Variants in NCR3 observed in about 807,000 individuals in gnomAD.
NCR3 encodes NK-p30.
In NCR3, 13 loss-of-function variants were observed where a neutral mutation model predicts 16.1. The observed-to-expected ratio is 0.81, with a 90% confidence interval of 0.53 to 1.28. The LOEUF (loss-of-function observed/expected upper bound fraction) is 1.28, where lower values mean the gene tolerates loss of function less well. NCR3 is among the 50% of genes most tolerant of loss of function. NCR3 has a pLI of 0.00. For missense variants in NCR3, 202 were observed against 256.8 expected (o/e 0.79, Z 1.46); for synonymous variants, 98 against 106.6 (o/e 0.92, Z 0.50).
Position 31,592,733 on chromosome 6 carries a change from T to A in NCR3, c.-12A>T, listed in dbSNP as rs752690462. On this transcript the variant is annotated 5_prime_UTR_variant, in exon 1 of 4. Coordinates refer to ENST00000340027, the MANE Select transcript of NCR3 (RefSeq NM_147130.3). The stretch of plus-strand genomic sequence containing the variant: ...AGCATCCAGGCCATGTCGGAAGATG[T>A]CCCAGTTGGCGAAGGGGATCTGAGC... 3 of 1,612,750 alleles carry A rather than the reference T, an allele frequency of 1.9e-6. No homozygotes were observed. In the East Asian group the frequency reaches 6.7e-5, roughly 36 times the overall value.
Position 31,589,311 on chromosome 6 carries a change from A to C in NCR3, c.497-135T>G. 3.9e-6 allele frequency: 6 copies of C among 1,552,192 alleles called. No homozygotes were observed. Among genetic ancestry groups the C allele is most frequent in the Non-Finnish European group, 5.2e-6 (6 of 1,147,134 alleles). On this transcript the variant is annotated intron_variant, in intron 3 of 3. Coordinates refer to ENST00000340027, the MANE Select transcript of NCR3 (RefSeq NM_147130.3). This position sits in a 1 kb window ranked among gnomAD's most constrained non-coding sequence, Gnocchi z 4.8. ...GATTTATTGGGGTCTTTTGAAGAGG[A>C]CTAGGGACATCTGGGCTCTGGAATC...
intron 1 of NCR3, among the ~76,000 whole-genome samples, chr6:31,592,390 C>A (rs936539242): frequency 1.4e-5 from 2 of 144,496 alleles, no homozygotes; most frequent in East Asian, 2.0e-4. Flanking sequence ...TCCAGCCAGG[C>A]GACAGAGCGA....
intron 1 of NCR3, 32 bp downstream of exon 1, chr6:31,592,647 C>T (rs771903667): frequency 1.2e-6 from 2 of 1,612,562 alleles, no homozygotes; most frequent in South Asian, 2.2e-5. Context: ...CCCACCCACA[C>T]TCCTTGGGGT....
In NCR3 at chr6:31,589,773, G is replaced by A. The variant is rs768676868; in HGVS notation, c.388+9C>T. The A allele has an allele frequency of 5.6e-6, 9 of 1,607,518 alleles. No individual in the cohort carries two copies. In the Admixed American group the frequency reaches 1.0e-4, roughly 18 times the overall value. On this transcript the variant is annotated intron_variant, in intron 2 of 3. Transcript: ENST00000340027. The surrounding 1 kb of genome is among the most constrained non-coding windows in gnomAD (Gnocchi z 4.8). ...AGCCAGGAGGAGACACCACCTCCCA[G>A]CATCTCACCTTTCTCCACCACCAGC...
At position 31,592,937 on chromosome 6, in the gene NCR3, G is replaced by A. The variant is rs1184686903; in HGVS notation, c.-216C>T. 2.4e-5 allele frequency: 15 copies of A among 621,020 alleles called. No homozygotes were observed. In the East Asian group the frequency reaches 4.1e-4, roughly 17 times the overall value. The allele number at this position is 621,020 out of a possible 1,614,324, so 38.5% of individuals were successfully genotyped here. On this transcript the variant is annotated 5_prime_UTR_variant, in exon 1 of 4. Transcript: ENST00000340027. ...TCCCTGAGGAGAGAGGACAGATGCT[G>A]CTGGAGGAGATGTCAGGGTCTCTAG...
intron 1 of NCR3, among the ~76,000 whole-genome samples, chr6:31,590,374 G>A (rs1364072719): frequency 6.6e-6 from 1 of 152,126 alleles, no homozygotes; most frequent in Non-Finnish European, 1.5e-5. Flanking sequence ...GGCCGAGGTG[G>A]GCGGATCACC....
chr6:31,590,208 C>T, intron 1 of NCR3, 82 bp from the exon 2 acceptor site: 2 of 1,252,140 alleles, frequency 1.6e-6, no homozygotes, highest in Middle Eastern at 1.9e-4. Context: ...AGTAGAACAT[C>T]CCAGCTTTCT....
rs774390040 is a variant in NCR3, at chr6:31,592,692, G to A, written c.30C>T (p.Ile10=). MAWMLLLIL[I]MVHPGSCALW... is the part of the protein sequence containing the mutation. ...ACGCCCTGTCACCTGGATGGACCATGATCAAGATGAGCAACAGCATCCAGG... is the reference window on the plus strand; with the variant it reads ...ACGCCCTGTCACCTGGATGGACCATAATCAAGATGAGCAACAGCATCCAGG... Residue 10 remains isoleucine (I), a synonymous_variant, in exon 1 of 4, where the codon ATC becomes ATT. Coordinates refer to ENST00000340027, the MANE Select transcript of NCR3 (RefSeq NM_147130.3). 1.2e-6 allele frequency: 2 copies of A among 1,612,990 alleles called. No homozygotes were observed. The highest frequency in any genetic ancestry group is 1.7e-6 in the Non-Finnish European group (2 of 1,180,024).
At position 31,589,733 on chromosome 6, in the gene NCR3, C is replaced by A. The variant is rs1188543652; in HGVS notation, c.388+49G>T. 8 of 1,599,912 alleles carry A rather than the reference C, an allele frequency of 5.0e-6. No individual in the cohort carries two copies. The highest frequency in any genetic ancestry group is 2.2e-5 in the East Asian group (1 of 44,750). On this transcript the variant is annotated intron_variant, in intron 2 of 3. Coordinates refer to ENST00000340027, the MANE Select transcript of NCR3 (RefSeq NM_147130.3). This position sits in a 1 kb window ranked among gnomAD's most constrained non-coding sequence, Gnocchi z 4.8. ...GCATCCCTGCCTCCCAAGGACATTG[C>A]CTCTTGGGGCCTCCAGCCAGGAGGA...
chr6:31,590,968 T>G (rs1772594921), intron 1 of NCR3, among the ~76,000 whole-genome samples: 1 of 152,040 alleles, frequency 6.6e-6, no homozygotes, highest in Admixed American at 6.6e-5. Flanking sequence ...GCCTCCCAAG[T>G]AGCTGGGACT....
chr6:31,592,324 A>G (rs1007721715), intron 1 of NCR3, among the ~76,000 whole-genome samples: 4 of 151,692 alleles, frequency 2.6e-5, no homozygotes, highest in African/African-American at 9.7e-5. Flanking sequence ...GAGGCAGGAG[A>G]ATCACCTGAA....
In NCR3 at chr6:31,592,661, G is replaced by A. The variant is rs1562509342; in HGVS notation, c.43+18C>T. ...TCCCACCCACACTCCTTGGGGTCCT[G>A]AGCGCACGCCCTGTCACCTGGATGG... On this transcript the variant is annotated intron_variant, in intron 1 of 3. Transcript: ENST00000340027. 1.2e-6 allele frequency: 2 copies of A among 1,612,654 alleles called. No individual in the cohort carries two copies. The highest frequency in any genetic ancestry group is 2.7e-5 in the African/African-American group (2 of 74,874).
At position 31,592,618 on chromosome 6, in the gene NCR3, C is replaced by T; in HGVS notation, c.43+61G>A. 2.5e-6 allele frequency: 4 copies of T among 1,593,894 alleles called. No individual in the cohort carries two copies. In the South Asian group the frequency reaches 4.4e-5, roughly 18 times the overall value. On this transcript the variant is annotated intron_variant, in intron 1 of 3. Coordinates refer to ENST00000340027, the MANE Select transcript of NCR3 (RefSeq NM_147130.3). ...CCGTTCCCTATAGCATCTAGTCCAGCCTCCTGGATCTCCCTCCTCCCACCC... is the reference window on the plus strand; with the variant it reads ...CCGTTCCCTATAGCATCTAGTCCAGTCTCCTGGATCTCCCTCCTCCCACCC...
chr6:31,592,214 C>T (rs948143438), intron 1 of NCR3, among the ~76,000 whole-genome samples: 1 of 150,872 alleles, frequency 6.6e-6, no homozygotes. Flanking sequence ...CATGCCACTG[C>T]ACTCCAGCCT....
chr6:31,589,113 G>C lies in NCR3; in HGVS notation c.560C>G (p.Pro187Arg). ...PAVVPAPLPP[P>R]CGSSAHLLPP... ...AAGCAGATGTGCTGAGCTCCCACAT[G>C]GTGGTGGGAGGGGCGCTGGGACCAC... The change falls in exon 4 of 4, where the codon CCA becomes CGA. Residue 187 changes from proline (P) to arginine (R), a missense_variant. By Grantham distance (103) the Pro-to-Arg change is moderately radical. Coordinates refer to ENST00000340027, the MANE Select transcript of NCR3 (RefSeq NM_147130.3). The surrounding 1 kb of genome is among the most constrained non-coding windows in gnomAD (Gnocchi z 4.8). 1 of 1,611,584 alleles carries C rather than the reference G, an allele frequency of 6.2e-7. No homozygotes were observed. The highest frequency in any genetic ancestry group is 8.5e-7 in the Non-Finnish European group (1 of 1,178,582).
chr6:31,592,344 C>T lies in NCR3; in HGVS notation c.43+335G>A, dbSNP rs951065788. Among the ~76,000 whole-genome samples the T allele has an allele frequency of 6.2e-5, 9 of 145,310 alleles. 1 individual carries two copies. Among genetic ancestry groups the T allele is most frequent in the Admixed American group, 4.3e-4 (6 of 13,892 alleles). ...AGGAGAATCACCTGAACATGGGAGG[C>T]AGAGGTTGCAGTGAGCCAAAATCGC... On this transcript the variant is annotated intron_variant, in intron 1 of 3. Transcript: ENST00000340027.
At chr6:31,591,535 G>A (rs956934014) in intron 1 of NCR3, among the ~76,000 whole-genome samples, 1 of 152,238 alleles carries the variant, frequency 6.6e-6, no homozygotes, top group Non-Finnish European at 1.5e-5. Context: ...AACAGTTTCG[G>A]CCGGGTGCAG....
intron 1 of NCR3, among the ~76,000 whole-genome samples, chr6:31,590,757 C>T (rs1360573638): frequency 6.6e-6 from 1 of 152,246 alleles, no homozygotes; most frequent in East Asian, 1.9e-4. Context: ...ATGCAGCTGC[C>T]TAGTTAACTA....
chr6:31,590,327 T>C (rs1249184856), intron 1 of NCR3, among the ~76,000 whole-genome samples: 3 of 152,100 alleles, frequency 2.0e-5, no homozygotes, highest in Non-Finnish European at 2.9e-5. Context: ...TTCGGCTGGG[T>C]GCAGTGGCTC....
Sources: gnomAD v4.1 joint callset for allele counts (sites outside exome capture counted in the v4.1 genomes callset) on GRCh38, gnomAD v4.1.1 for gene constraint, Gnocchi (gnomAD v3.1) non-coding constraint, MANE v1.5 for transcripts, NCBI Gene and HGNC (gene_info 2026-07-23, HGNC 2026-07-21) for gene names.